The following FKBP8 variants were observed in gnomAD, a reference collection of about 807,000 sequenced individuals.
FKBP8 encodes the protein FKBP prolyl isomerase 8.
Under a neutral mutation model 41.7 loss-of-function variants are expected in FKBP8, and 5 were observed. The observed-to-expected ratio is 0.12, with a 90% CI of 0.06 to 0.25. The LOEUF (loss-of-function observed/expected upper bound fraction) is 0.25, where lower values mean the gene tolerates loss of function less well. FKBP8 is among the 10% of genes least tolerant of loss of function. The pLI, the probability that FKBP8 is intolerant of heterozygous loss-of-function variation, is 1.00. For missense variants in FKBP8, 397 were observed against 563.0 expected (o/e 0.71, Z 2.98); for synonymous variants, 279 against 254.5 (o/e 1.10, Z -0.92).
chr19:18,538,510 G>A lies in FKBP8; in HGVS notation c.552-74C>T. The A allele has an allele frequency of 2.3e-6, 3 of 1,306,352 alleles. No homozygotes were observed. Among genetic ancestry groups the A allele is most frequent in the South Asian group, 1.4e-5 (1 of 73,718 alleles). The allele number at this position is 1,306,352 out of a possible 1,614,324, so 80.9% of individuals were successfully genotyped here. On this transcript the variant is annotated intron_variant, in intron 4 of 8. Transcript: ENST00000608443. The surrounding 1 kb of genome is among the most constrained non-coding windows in gnomAD (Gnocchi z 4.0). ...TAAACCCGCTGGGCTGGCTAGGAAG[G>A]AGTGAGCTTGGCTCAAGCCCCCGAT...
chr19:18,537,884 C>A lies in FKBP8; in HGVS notation c.773-111G>T. On this transcript the variant is annotated intron_variant, in intron 5 of 8. Coordinates refer to ENST00000608443, the MANE Select transcript of FKBP8 (RefSeq NM_012181.5). The surrounding 1 kb of genome is among the most constrained non-coding windows in gnomAD (Gnocchi z 4.4). Reference sequence around the variant, plus strand: ...TGGCCTCAGTTTCCCCAATTTTAACCCCGGACCAAGGGCCACGCTTTCCTG... The same window carrying A: ...TGGCCTCAGTTTCCCCAATTTTAACACCGGACCAAGGGCCACGCTTTCCTG... 8.1e-7 allele frequency: 1 copy of A among 1,241,718 alleles called. No homozygotes were observed. Among genetic ancestry groups the A allele is most frequent in the Non-Finnish European group, 1.1e-6 (1 of 897,314 alleles). The allele number at this position is 1,241,718 out of a possible 1,614,324, so 76.9% of individuals were successfully genotyped here.
chr19:18,533,952 T>A (rs1417977652), intron 6 of FKBP8, among the ~76,000 whole-genome samples: 1 of 134,300 alleles, frequency 7.4e-6, no homozygotes, highest in African/African-American at 2.9e-5. Context: ...GAGCTTGCAG[T>A]GAGCCGAGAT....
Position 18,543,562 on chromosome 19 carries a change from C to T in FKBP8, c.-102G>A, listed in dbSNP as rs1482280322. The T allele has an allele frequency of 6.6e-6, 1 of 151,262 alleles. No individual in the cohort carries two copies. Among genetic ancestry groups the T allele is most frequent in the Non-Finnish European group, 1.5e-5 (1 of 67,822 alleles). The allele number at this position is 151,262 out of a possible 1,614,324, so 9.4% of individuals were successfully genotyped here. ...AGCCGCGGCCGCCGCGCCTCGGGAA[C>T]CAGGTTCGGCCGCTTGGCCCCGCCC... On this transcript the variant is annotated 5_prime_UTR_variant, in exon 1 of 9. Coordinates refer to ENST00000608443, the MANE Select transcript of FKBP8 (RefSeq NM_012181.5).
rs1199200531 is a variant in FKBP8 at position 18,537,824 on chromosome 19, C to T, written c.773-51G>A. 6.4e-7 allele frequency: 1 copy of T among 1,555,104 alleles called. No individual in the cohort carries two copies. Among genetic ancestry groups the T allele is most frequent in the Non-Finnish European group, 8.7e-7 (1 of 1,144,002 alleles). On this transcript the variant is annotated intron_variant, in intron 5 of 8. Transcript: ENST00000608443. The surrounding 1 kb of genome is among the most constrained non-coding windows in gnomAD (Gnocchi z 4.4). ...GCAGCCGTCACCATGCCACCAGACACCCCGGCACCCACCCCTCTGCGGAGG... is the reference window on the plus strand; with the variant it reads ...GCAGCCGTCACCATGCCACCAGACATCCCGGCACCCACCCCTCTGCGGAGG...
At position 18,538,458 on chromosome 19, in the gene FKBP8, G is replaced by T; in HGVS notation, c.552-22C>A. On this transcript the variant is annotated intron_variant, in intron 4 of 8. Coordinates refer to ENST00000608443, the MANE Select transcript of FKBP8 (RefSeq NM_012181.5). The surrounding 1 kb of genome is among the most constrained non-coding windows in gnomAD (Gnocchi z 4.0). ...CCTGCTAGTTGGGTGGGAGCAGGCA[G>T]GGGCAGCACTCAGACCTGGTGACCC... 6.2e-7 allele frequency: 1 copy of T among 1,601,668 alleles called. No homozygotes were observed.
At position 18,533,309 on chromosome 19, in the gene FKBP8, G is replaced by A. The variant is rs137949095; in HGVS notation, c.984C>T (p.Pro328=). 1.6e-4 allele frequency: 254 copies of A among 1,605,738 alleles called. No homozygotes were observed. The African/African-American group carries it at 2.3e-3, about 14-fold the overall frequency. Residue 328 remains proline, a synonymous_variant, in exon 7 of 9, where the codon CCC becomes CCT. Coordinates refer to ENST00000608443, the MANE Select transcript of FKBP8 (RefSeq NM_012181.5). ...AQQGEYSEAI[P]ILRAALKLEP... ...CCAGCTTCAGGGCTGCCCTCAGGAT[G>A]GGGATGGCCTCACTGTACTCCCCCT...
At chr19:18,542,437 G>T (rs1204438979) in intron 1 of FKBP8, 1 of 175,864 alleles carries the variant, frequency 5.7e-6, no homozygotes, top group African/African-American at 2.4e-5. Context: ...TTTTTGTGGA[G>T]AGGACAGCCT....
At position 18,541,956 on chromosome 19, in the gene FKBP8, A is replaced by G; in HGVS notation, c.15T>C (p.Ala5=). MASC[A]EPSEPSAPLP... Reference sequence around the variant, plus strand: ...GTGGGGCAGAGGGCTCAGAGGGTTCAGCACACGATGCCATGCTGCTGGGGG... The same window carrying G: ...GTGGGGCAGAGGGCTCAGAGGGTTCGGCACACGATGCCATGCTGCTGGGGG... The change falls in exon 2 of 9, where the codon GCT becomes GCC. Residue 5 remains alanine, a synonymous_variant. Coordinates refer to ENST00000608443, the MANE Select transcript of FKBP8 (RefSeq NM_012181.5). The G allele has an allele frequency of 1.9e-6, 3 of 1,613,746 alleles. No individual in the cohort carries two copies. Among genetic ancestry groups the G allele is most frequent in the East Asian group, 2.2e-5 (1 of 44,878 alleles).
Position 18,541,705 on chromosome 19 carries a change from G to A in FKBP8, c.266C>T (p.Ala89Val). The A allele has an allele frequency of 1.2e-6, 2 of 1,611,288 alleles. No individual in the cohort carries two copies. The highest frequency in any genetic ancestry group is 2.7e-5 in the African/African-American group (2 of 74,976). Residue 89 changes from alanine to valine, a missense_variant, in exon 2 of 9, where the codon GCC becomes GTC. Physicochemically the swap from Ala to Val is moderately conservative, Grantham distance 64 (BLOSUM62 0). This residue lies in a region of FKBP8 where 172 missense variants were observed against 196.2 expected (regional missense o/e 0.88). Coordinates refer to ENST00000608443, the MANE Select transcript of FKBP8 (RefSeq NM_012181.5). The stretch of plus-strand genomic sequence containing the variant: ...CAGAATGTCCAGCCACTCTTCTGGG[G>A]CCGGGGCTGGGGCGGGCTCGGGCTC... ...AMEPEPAPAP[A>V]PEEWLDILGN... is the part of the protein sequence containing the mutation.
At position 18,538,357 on chromosome 19, in the gene FKBP8, C is replaced by G. The variant is rs2314668; in HGVS notation, c.631G>C (p.Glu211Gln). The change falls in exon 5 of 9, where the codon GAG becomes CAG. Residue 211 changes from glutamate (E) to glutamine (Q), a missense_variant. Around this residue, in one of 2 missense-constraint regions of FKBP8, gnomAD observed 225 missense variants for 366.8 expected, o/e 0.61. Transcript: ENST00000608443. This position sits in a 1 kb window ranked among gnomAD's most constrained non-coding sequence, Gnocchi z 4.0. ...LKTAVDGPDL[E>Q]MLTGQERVAL... ...ACGCGCTCCTGCCCCGTGAGCATCTCCAGGTCAGGCCCGTCCACAGCCGTC... is the reference window on the plus strand; with the variant it reads ...ACGCGCTCCTGCCCCGTGAGCATCTGCAGGTCAGGCCCGTCCACAGCCGTC... 6.2e-7 allele frequency: 1 copy of G among 1,613,682 alleles called. No individual in the cohort carries two copies. Among genetic ancestry groups the G allele is most frequent in the Non-Finnish European group, 8.5e-7 (1 of 1,179,970 alleles).
intron 8 of FKBP8, 102 bp from the exon 9 acceptor site, chr19:18,532,357 T>C (rs961736178): frequency 4.0e-5 from 46 of 1,162,502 alleles, no homozygotes; most frequent in Non-Finnish European, 4.7e-5. Context: ...CAACAAATCA[T>C]TGCCTGACTA....
chr19:18,532,908 G>A, intron 7 of FKBP8, 113 bp from the exon 8 acceptor site: 1 of 1,501,702 alleles, frequency 6.7e-7, no homozygotes, highest in Non-Finnish European at 8.9e-7. Context: ...GGACACAGGG[G>A]TCCCATCTGC....
At position 18,541,737 on chromosome 19, in the gene FKBP8, A is replaced by G. The variant is rs1976706574; in HGVS notation, c.234T>C (p.Ala78=). ...CTGGGGCGGGCTCGGGCTCCATGGCAGCAAGGAACTCTCGGGCCAGGGCCC... is the reference window on the plus strand; with the variant it reads ...CTGGGGCGGGCTCGGGCTCCATGGCGGCAAGGAACTCTCGGGCCAGGGCCC... ...QPGALAREFL[A]AMEPEPAPAP... is the part of the protein sequence containing the mutation. Residue 78 remains alanine, a synonymous_variant, in exon 2 of 9, where the codon GCT becomes GCC. Transcript: ENST00000608443. 9.9e-6 allele frequency: 16 copies of G among 1,613,798 alleles called. No individual in the cohort carries two copies. Among genetic ancestry groups the G allele is most frequent in the Non-Finnish European group, 1.1e-5 (13 of 1,179,920 alleles).
At chr19:18,535,180 A>G (rs1976545519) in intron 6 of FKBP8, among the ~76,000 whole-genome samples, 1 of 152,080 alleles carries the variant, frequency 6.6e-6, no homozygotes. Flanking sequence ...TCGGTCTCCC[A>G]AAGTGCTGGG....
chr19:18,532,401 T>C, intron 8 of FKBP8, 146 bp from the exon 9 acceptor site: 2 of 962,456 alleles, frequency 2.1e-6, no homozygotes, highest in Non-Finnish European at 3.2e-6. Flanking sequence ...CTCCTACTCA[T>C]GCAGCAAAAC....
rs1163676115 is a variant in FKBP8, at chr19:18,543,479, C to G, written c.-26+7G>C. The G allele has an allele frequency of 6.7e-6, 1 of 150,166 alleles. No homozygotes were observed. The highest frequency in any genetic ancestry group is 6.6e-5 in the Admixed American group (1 of 15,128). The allele number at this position is 150,166 out of a possible 1,614,324, so 9.3% of individuals were successfully genotyped here. The stretch of plus-strand genomic sequence containing the variant: ...GCACGGCGCCCCCAGCACCCCAGGA[C>G]ACTTGCCTCTGGCTCCGGGACCCCC... On this transcript the variant is annotated splice_region_variant and intron_variant, in intron 1 of 8. Coordinates refer to ENST00000608443, the MANE Select transcript of FKBP8 (RefSeq NM_012181.5).
Position 18,541,898 on chromosome 19 carries a change from C to T in FKBP8, c.73G>A (p.Glu25Lys), listed in dbSNP as rs1481834096. The T allele has an allele frequency of 6.2e-7, 1 of 1,614,040 alleles. No individual in the cohort carries two copies. ...PAGVPPLEDFEVLDGVEDAEG... is the reference protein window; with the variant it reads ...PAGVPPLEDFKVLDGVEDAEG... ...GCATCCTCAACCCCATCCAGTACCT[C>T]GAAGTCCTCGAGCGGTGGGACCCCG... The change falls in exon 2 of 9, where the codon GAG (glutamate) becomes AAG (lysine). Residue 25 changes from glutamate to lysine, a missense_variant. By Grantham distance (56) the Glu-to-Lys change is moderately conservative (BLOSUM62 1). Coordinates refer to ENST00000608443, the MANE Select transcript of FKBP8 (RefSeq NM_012181.5).
At chr19:18,535,824 G>A (rs1005952897) in intron 6 of FKBP8, among the ~76,000 whole-genome samples, 1 of 152,008 alleles carries the variant, frequency 6.6e-6, no homozygotes, top group Non-Finnish European at 1.5e-5. Flanking sequence ...GCCGGCCCAG[G>A]AGGGAAGGTC....
At position 18,539,355 on chromosome 19, in the gene FKBP8, G is replaced by C. The variant is rs201904385; in HGVS notation, c.551+16C>G. The C allele has an allele frequency of 2.6e-5, 41 of 1,607,704 alleles. No individual in the cohort carries two copies. The East Asian group carries it at 8.5e-4, about 33-fold the overall frequency. On this transcript the variant is annotated intron_variant, in intron 4 of 8. Coordinates refer to ENST00000608443, the MANE Select transcript of FKBP8 (RefSeq NM_012181.5). Reference sequence around the variant, plus strand: ...CTCCTGAGACCTGCAGAGACCTAAGGGTGGCTGACTCTCACCTGCCTTGGG... The same window carrying C: ...CTCCTGAGACCTGCAGAGACCTAAGCGTGGCTGACTCTCACCTGCCTTGGG...
Sources: gnomAD v4.1 joint callset for allele counts (sites outside exome capture counted in the v4.1 genomes callset) on GRCh38, gnomAD v4.1.1 for gene constraint, gnomAD v4.1.1 regional missense constraint, Gnocchi (gnomAD v3.1) non-coding constraint, MANE v1.5 for transcripts, NCBI Gene and HGNC (gene_info 2026-07-23, HGNC 2026-07-21) for gene names.